Variants in RBFOX1 observed in about 807,000 individuals in gnomAD.
The protein encoded by RBFOX1 is RNA binding fox-1 homolog 1.
RBFOX1 carries 8 observed loss-of-function variants against 57.7 expected under a neutral mutation model. The observed-to-expected ratio is 0.14, with a 90% confidence interval of 0.08 to 0.25. RBFOX1 has a LOEUF of 0.25. RBFOX1 is among the 10% of genes least tolerant of loss of function. The pLI, the probability that RBFOX1 is intolerant of heterozygous loss-of-function variation, is 1.00. For missense variants in RBFOX1, 611 were observed against 548.5 expected, an observed-to-expected ratio of 1.11 and a Z score of -1.14; for synonymous variants, 326 against 222.4, an observed-to-expected ratio of 1.47 and a Z score of -4.15.
intron 1 of RBFOX1, among the ~76,000 whole-genome samples, chr16:5,455,772 C>A (rs75652933): frequency 0.031 from 4,696 of 152,184 alleles, 247 homozygotes; most frequent in African/African-American, 0.11. Context: ...ACAATACTGA[C>A]CAAGAAGTGA....
At chr16:5,511,700 T>G (rs529333023) in intron 2 of RBFOX1, among the ~76,000 whole-genome samples, 1 of 152,292 alleles carries the variant, frequency 6.6e-6, no homozygotes, top group Admixed American at 6.5e-5. Context: ...GCACACCTAG[T>G]GAGTGATGAA....
chr16:6,616,329 C>A (rs868273316), intron 2 of RBFOX1, among the ~76,000 whole-genome samples: 1 of 151,888 alleles, frequency 6.6e-6, no homozygotes, highest in Non-Finnish European at 1.5e-5. Context: ...GTAGAGAAAT[C>A]CACCCCCAAC....
At chr16:7,699,541 A>T (rs901179690) in intron 14 of RBFOX1, among the ~76,000 whole-genome samples, 62 of 152,280 alleles carry the variant, frequency 4.1e-4, no homozygotes, top group African/African-American at 1.4e-3. Context: ...GGACTTGCTA[A>T]AGTTGTGTTC....
chr16:7,368,879 A>G (rs535111942), intron 4 of RBFOX1, among the ~76,000 whole-genome samples: 1 of 152,280 alleles, frequency 6.6e-6, no homozygotes, highest in South Asian at 2.1e-4. Context: ...TCTTCAGATT[A>G]AGTAACAAAG....
At chr16:7,084,482 C>T (rs913230621) in intron 4 of RBFOX1, among the ~76,000 whole-genome samples, 10 of 152,122 alleles carry the variant, frequency 6.6e-5, no homozygotes, top group Non-Finnish European at 1.3e-4. Flanking sequence ...CCATTCTTTC[C>T]TTTAGCTGAT....
At chr16:5,299,313 C>A (rs1470723158) in intron 1 of RBFOX1, among the ~76,000 whole-genome samples, 1 of 151,960 alleles carries the variant, frequency 6.6e-6, no homozygotes, top group Non-Finnish European at 1.5e-5. Flanking sequence ...CCATTGAATG[C>A]ATACTTTATA....
At chr16:6,638,533 A>G (rs1656459998) in intron 2 of RBFOX1, among the ~76,000 whole-genome samples, 1 of 152,190 alleles carries the variant, frequency 6.6e-6, no homozygotes, top group African/African-American at 2.4e-5. Flanking sequence ...CATGTTGTCA[A>G]ACTTAGAAAT....
chr16:7,547,227 G>C (rs980494871), intron 5 of RBFOX1, among the ~76,000 whole-genome samples: 3 of 152,200 alleles, frequency 2.0e-5, no homozygotes, highest in African/African-American at 7.2e-5. Flanking sequence ...TTAACGTAGT[G>C]TGCAATGCTG....
intron 4 of RBFOX1, among the ~76,000 whole-genome samples, chr16:7,125,833 A>G (rs561629571): frequency 1.6e-4 from 24 of 152,332 alleles, no homozygotes; most frequent in Middle Eastern, 3.4e-3. Context: ...CTGTAATCCC[A>G]GCACTTTGGG....
At chr16:6,859,598 A>G (rs2142462722) in intron 3 of RBFOX1, among the ~76,000 whole-genome samples, 1 of 152,192 alleles carries the variant, frequency 6.6e-6, no homozygotes, top group East Asian at 1.9e-4. Flanking sequence ...AAAATGCTTC[A>G]GAGATCTTCC....
At chr16:7,701,100 A>G (rs779479169) in intron 14 of RBFOX1, among the ~76,000 whole-genome samples, 7 of 152,104 alleles carry the variant, frequency 4.6e-5, no homozygotes, top group Non-Finnish European at 8.8e-5. Flanking sequence ...AAAATGTGCT[A>G]AGTGATTTCT....
chr16:5,884,445 C>G (rs891474718), intron 4 of RBFOX1, among the ~76,000 whole-genome samples: 1 of 147,830 alleles, frequency 6.8e-6, no homozygotes, highest in Non-Finnish European at 1.5e-5. Flanking sequence ...TTCCACCGCC[C>G]CGCCCCCCGC....
At chr16:7,182,325 A>G (rs1331494181) in intron 4 of RBFOX1, among the ~76,000 whole-genome samples, 1 of 152,166 alleles carries the variant, frequency 6.6e-6, no homozygotes, top group African/African-American at 2.4e-5. Context: ...CTGCAAAAAA[A>G]AAGACCAAAA....
intron 7 of RBFOX1, 152 bp from the exon 8 acceptor site, chr16:7,595,397 C>A: frequency 2.2e-6 from 1 of 462,062 alleles, no homozygotes; most frequent in Non-Finnish European, 3.7e-6. Context: ...AATTATTGCA[C>A]ATCTCAGTAC....
intron 3 of RBFOX1, among the ~76,000 whole-genome samples, chr16:6,768,452 T>A (rs986943689): frequency 3.3e-5 from 5 of 151,348 alleles, no homozygotes; most frequent in Non-Finnish European, 7.4e-5. Context: ...GAGGGAAAAT[T>A]CCCCCCCAGC....
At chr16:7,581,617 C>G (rs1048344996) in intron 6 of RBFOX1, among the ~76,000 whole-genome samples, 6 of 147,598 alleles carry the variant, frequency 4.1e-5, no homozygotes, top group Admixed American at 6.6e-5. Flanking sequence ...GATCCTGAGT[C>G]TCTCTAGTCT....
intron 3 of RBFOX1, among the ~76,000 whole-genome samples, chr16:7,028,719 A>G (rs913393556): frequency 6.6e-6 from 1 of 151,588 alleles, no homozygotes; most frequent in African/African-American, 2.4e-5. Flanking sequence ...GAATTATTGC[A>G]GGACTTGATA....
intron 2 of RBFOX1, among the ~76,000 whole-genome samples, chr16:5,468,150 A>AAGAGTTTG (rs1289083912): frequency 6.6e-6 from 1 of 152,186 alleles, no homozygotes; most frequent in African/African-American, 2.4e-5. Context: ...TTATGGGTAG[A>AAGAGTTTG]AGAGTTTGAG....
At chr16:6,903,812 A>G (rs934866123) in intron 3 of RBFOX1, among the ~76,000 whole-genome samples, 6 of 152,122 alleles carry the variant, frequency 3.9e-5, no homozygotes, top group East Asian at 1.9e-4. Flanking sequence ...GAGGGAAGCA[A>G]TTGCATCCCC....
Sources: allele counts gnomAD v4.1 joint callset (sites outside exome capture counted in the v4.1 genomes callset), GRCh38; gene constraint gnomAD v4.1.1; transcripts MANE v1.5; gene names NCBI Gene and HGNC (gene_info 2026-07-23, HGNC 2026-07-21).